The following PCDHGA6 variants were observed in gnomAD, a reference collection of about 807,000 sequenced individuals.
The protein encoded by PCDHGA6 is protocadherin gamma subfamily A, 6.
A neutral mutation model predicts 60.6 loss-of-function variants in PCDHGA6; 41 were observed. The ratio of observed to expected loss-of-function variants is 0.68; its 90% CI spans 0.53 to 0.88. PCDHGA6 has a LOEUF of 0.88. Among genes scored for constraint, PCDHGA6 ranks in the 40% least tolerant of loss-of-function variants. The pLI is 0.00. For missense variants in PCDHGA6, 1,312 were observed against 1,203.0 expected, an observed-to-expected ratio of 1.09 and a Z score of -1.34; for synonymous variants, 594 against 524.4, an observed-to-expected ratio of 1.13 and a Z score of -1.81.
At chr5:141,422,002 G>A (rs754599902) in intron 1 of PCDHGA6, 41 of 1,609,306 alleles carry the variant, frequency 2.5e-5, no homozygotes, top group Non-Finnish European at 3.1e-5. Flanking sequence ...CATCAGCTCC[G>A]GAACTCGGGT....
rs781651287 is a variant in PCDHGA6, at chr5:141,505,380, A to G, written c.2484-13A>G. ...CCTGGGAGTCTGTGCTCACCATCCT[A>G]CTCTCTCCCCAGCTCCCAAAATGGC... On this transcript the variant is annotated splice_polypyrimidine_tract_variant and intron_variant, in intron 2 of 3. Transcript: ENST00000517434. The G allele has an allele frequency of 4.3e-6, 7 of 1,613,362 alleles. No homozygotes were observed. The African/African-American group carries it at 5.4e-5, about 12-fold the overall frequency.
intron 1 of PCDHGA6, chr5:141,404,627 G>A: frequency 6.2e-7 from 1 of 1,614,144 alleles, no homozygotes; most frequent in Non-Finnish European, 8.5e-7. Context: ...GAATGACAAT[G>A]CCCCAGAAAT....
chr5:141,413,283 C>A lies in PCDHGA6; in HGVS notation c.2424+36776C>A, dbSNP rs377443382. On this transcript the variant is annotated intron_variant, in intron 1 of 3. Coordinates refer to ENST00000517434, the MANE Select transcript of PCDHGA6 (RefSeq NM_018919.3). ...GGGAGGCTGGAGCCCGGCAGATCTC[C>A]TACTCAATTCCTGAGGAATTAGAGA... The A allele has an allele frequency of 3.6e-5, 58 of 1,613,848 alleles. No individual in the cohort carries two copies. The African/African-American group carries it at 7.6e-4, about 21-fold the overall frequency.
At chr5:141,413,708 C>G in intron 1 of PCDHGA6, 1 of 1,613,664 alleles carries the variant, frequency 6.2e-7, no homozygotes, top group African/African-American at 1.3e-5. Flanking sequence ...CAGCTCAGCC[C>G]CAATAAGCAC....
rs70988800 is a variant in PCDHGA6 at position 141,379,889 on chromosome 5, C to CTTTTTTTTTTTTTTTTTTTTTT, written c.2424+3391_2424+3412dup. On this transcript the variant is annotated intron_variant, in intron 1 of 3. Coordinates refer to ENST00000517434, the MANE Select transcript of PCDHGA6 (RefSeq NM_018919.3). ...CTTATTTTATGGTCTGTGAAAGCCT[C>CTTTTTTTTTTTTTTTTTTTTTT]TTTTTTTTTTTTTTTTTTTTTTTTT... Among the ~76,000 whole-genome samples the CTTTTTTTTTTTTTTTTTTTTTT allele has an allele frequency of 1.7e-3, 88 of 50,830 alleles. 16 individuals carry two copies. The highest frequency in any genetic ancestry group is 2.3e-3 in the Non-Finnish European group (60 of 25,884). 33.3% of individuals were successfully genotyped at this position (50,830 alleles called of 152,430 possible).
chr5:141,442,697 G>C (rs1443734141), intron 1 of PCDHGA6, among the ~76,000 whole-genome samples: 2 of 152,258 alleles, frequency 1.3e-5, no homozygotes, highest in East Asian at 1.9e-4. Flanking sequence ...AGGCAGACAA[G>C]AGTATCAGAC....
At chr5:141,413,357 G>C in intron 1 of PCDHGA6, 1 of 1,613,992 alleles carries the variant, frequency 6.2e-7, no homozygotes, top group Non-Finnish European at 8.5e-7. Context: ...CTGGCGCCCC[G>C]GGAGCTGGCG....
intron 1 of PCDHGA6, chr5:141,384,214 T>C (rs1305082096): frequency 6.2e-6 from 10 of 1,613,756 alleles, no homozygotes; most frequent in South Asian, 1.1e-5. Flanking sequence ...AACTCACATA[T>C]TCATGCAGGT....
intron 1 of PCDHGA6, chr5:141,408,283 C>G (rs62378453): frequency 0.09 from 144,952 of 1,612,732 alleles, 7,152 homozygotes; most frequent in African/African-American, 0.18. Flanking sequence ...TGTTCTACCC[C>G]ACCCTGAGTG....
chr5:141,461,845 C>CA (rs2099025049), intron 1 of PCDHGA6, among the ~76,000 whole-genome samples: 1 of 151,000 alleles, frequency 6.6e-6, no homozygotes. Context: ...TTTTTTGAGA[C>CA]AGAGTTTTGC....
chr5:141,506,435 G>T (rs1470687416), intron 3 of PCDHGA6, among the ~76,000 whole-genome samples: 1 of 126,234 alleles, frequency 7.9e-6, no homozygotes, highest in Non-Finnish European at 1.6e-5. Context: ...CAACAGTCTC[G>T]CTCTGTCTCA....
At chr5:141,443,704 C>T (rs894128704) in intron 1 of PCDHGA6, among the ~76,000 whole-genome samples, 6 of 152,102 alleles carry the variant, frequency 3.9e-5, no homozygotes, top group Non-Finnish European at 7.4e-5. Flanking sequence ...TATAGAATAA[C>T]ATTTGCATAT....
chr5:141,411,752 C>T (rs2095512204), intron 1 of PCDHGA6: 1 of 152,734 alleles, frequency 6.5e-6, no homozygotes. Context: ...TGTGGTGGCA[C>T]ATGCCTGTGG....
At chr5:141,394,705 C>G (rs1245348426) in intron 1 of PCDHGA6, 9 of 1,613,256 alleles carry the variant, frequency 5.6e-6, no homozygotes, top group Non-Finnish European at 7.6e-6. Flanking sequence ...ACGGCGCGAG[C>G]CCTGCTGGAC....
At chr5:141,452,411 A>G (rs965622061) in intron 1 of PCDHGA6, among the ~76,000 whole-genome samples, 8 of 152,200 alleles carry the variant, frequency 5.3e-5, no homozygotes, top group African/African-American at 1.9e-4. Context: ...GGTGTGAGGT[A>G]TGCTCACTGC....
rs1245526846 is a variant in PCDHGA6, at chr5:141,512,505, C to T, written c.*1332C>T. ...GCCACTGCCCAGGTCCCCAGTGCGCCCCCTAGTGGCCATAGCCTGGTTAAA... is the reference window on the plus strand; with the variant it reads ...GCCACTGCCCAGGTCCCCAGTGCGCTCCCTAGTGGCCATAGCCTGGTTAAA... On this transcript the variant is annotated 3_prime_UTR_variant, in exon 4 of 4. Transcript: ENST00000517434. The T allele has an allele frequency of 1.3e-5, 2 of 152,888 alleles. No individual in the cohort carries two copies. The highest frequency in any genetic ancestry group is 4.8e-5 in the African/African-American group (2 of 41,466). 9.5% of individuals were successfully genotyped at this position (152,888 alleles called of 1,614,324 possible). A position where few individuals can be genotyped will look rare whatever the true frequency, so the allele number is the denominator to read the frequency against.
Position 141,485,465 on chromosome 5 carries a change from C to A in PCDHGA6, c.2425-9342C>A, listed in dbSNP as rs2099614061. 6.2e-7 allele frequency: 1 copy of A among 1,614,044 alleles called. No homozygotes were observed. Among genetic ancestry groups the A allele is most frequent in the African/African-American group, 1.3e-5 (1 of 74,918 alleles). ...AATCGACCGAGAGGCACTGTGTGGG[C>A]TCAGTGCCAGCTGCATCGTGCCCCT... On this transcript the variant is annotated intron_variant, in intron 1 of 3. Transcript: ENST00000517434. This position sits in a 1 kb window ranked among gnomAD's most constrained non-coding sequence, Gnocchi z 5.7.
At chr5:141,474,447 G>A (rs1263877262) in intron 1 of PCDHGA6, among the ~76,000 whole-genome samples, 1 of 152,218 alleles carries the variant, frequency 6.6e-6, no homozygotes, top group Non-Finnish European at 1.5e-5. Flanking sequence ...AGTAGCAAGT[G>A]ATTGGGCTAT....
At position 141,423,654 on chromosome 5, in the gene PCDHGA6, T is replaced by C. The variant is rs768410507; in HGVS notation, c.2424+47147T>C. The C allele has an allele frequency of 6.3e-6, 10 of 1,583,982 alleles. No individual in the cohort carries two copies. The Admixed American group carries it at 1.8e-4, about 28-fold the overall frequency. ...TTTTAGGCAAATGTGACCCGACAAG[T>C]AATCAGGTGAGATTTATTTCTCTGC... On this transcript the variant is annotated intron_variant, in intron 1 of 3. Transcript: ENST00000517434.
Sources: gnomAD v4.1 joint callset for allele counts (sites outside exome capture counted in the v4.1 genomes callset) on GRCh38, gnomAD v4.1.1 for gene constraint, Gnocchi (gnomAD v3.1) non-coding constraint, MANE v1.5 for transcripts, NCBI Gene and HGNC (gene_info 2026-07-23, HGNC 2026-07-21) for gene names.